LRMDA: variants seen among roughly 807,000 people sequenced by gnomAD.
The protein encoded by LRMDA is leucine-rich melanocyte differentiation-associated protein.
A neutral mutation model predicts 29.8 loss-of-function variants in LRMDA; 18 were observed. The observed-to-expected ratio is 0.60, with a 90% confidence interval of 0.42 to 0.90. The LOEUF (loss-of-function observed/expected upper bound fraction) is 0.90. Ranked by LOEUF, LRMDA falls within the 40% of genes least tolerant of loss-of-function variation. The pLI is 0.00. For synonymous variants in LRMDA, 125 were observed against 109.4 expected, an observed-to-expected ratio of 1.14 and a Z score of -0.89; for missense variants, 273 against 273.9, an observed-to-expected ratio of 1.00 and a Z score of 0.02.
In LRMDA at chr10:76,255,108, C is replaced by T. The variant is rs551325343; in HGVS notation, c.517-69293C>T. ...CACCTCTTTGGGCTTTCCCCCCAGA[C>T]CTTTTCTAGTTTTCTTAATTAGAAA... On this transcript the variant is annotated intron_variant, in intron 5 of 6. Coordinates refer to ENST00000611255, the MANE Select transcript of LRMDA (RefSeq NM_001305581.2). 7.7e-4 allele frequency among the ~76,000 whole-genome samples: 118 copies of T among 152,304 alleles called. 1 individual carries two copies. The highest frequency in any genetic ancestry group is 1.4e-3 in the Non-Finnish European group (95 of 68,024).
At chr10:75,648,044 C>G (rs1013339320) in intron 2 of LRMDA, among the ~76,000 whole-genome samples, 10 of 152,320 alleles carry the variant, frequency 6.6e-5, no homozygotes, top group South Asian at 2.1e-4. Context: ...CTTTGGGTGG[C>G]TCAGCTAGTA....
At chr10:76,009,606 A>G (rs1387060430) in intron 2 of LRMDA, among the ~76,000 whole-genome samples, 1 of 152,030 alleles carries the variant, frequency 6.6e-6, no homozygotes, top group Admixed American at 6.5e-5. Context: ...TTCCAAACCT[A>G]ATTCTCTCCC....
chr10:75,617,591 C>CA (rs1841120689), intron 2 of LRMDA, among the ~76,000 whole-genome samples: 1 of 152,160 alleles, frequency 6.6e-6, no homozygotes, highest in Admixed American at 6.5e-5. Context: ...ACTCACTGCT[C>CA]CCCTCTGTCT....
intron 2 of LRMDA, among the ~76,000 whole-genome samples, chr10:75,536,511 C>T (rs1839949970): frequency 6.6e-6 from 1 of 152,124 alleles, no homozygotes; most frequent in African/African-American, 2.4e-5. Context: ...GTTGAGGGCT[C>T]ATCACACCTG....
At chr10:76,216,848 C>A (rs1312788167) in intron 5 of LRMDA, among the ~76,000 whole-genome samples, 2 of 152,172 alleles carry the variant, frequency 1.3e-5, no homozygotes, top group African/African-American at 2.4e-5. Context: ...TTAGAATACT[C>A]TTTTTCGTAC....
At chr10:76,324,106 T>G (rs1053367011) in intron 5 of LRMDA, among the ~76,000 whole-genome samples, 3 of 152,182 alleles carry the variant, frequency 2.0e-5, no homozygotes, top group African/African-American at 7.2e-5. Flanking sequence ...AGCCTTTAAC[T>G]TTTCCTGTCT....
rs1843587004 is a variant in LRMDA, at chr10:76,558,547, G to A, written c.*1259G>A. 1 of 152,200 alleles carries A rather than the reference G, an allele frequency of 6.6e-6. No homozygotes were observed. The highest frequency in any genetic ancestry group is 1.5e-5 in the Non-Finnish European group (1 of 68,046). 9.4% of individuals were successfully genotyped at this position (152,200 alleles called of 1,614,324 possible). ...AAGATGTTCAAAAGGTTGATTGATT[G>A]TTCTTGACACGATAGTGTTTATTTT... On this transcript the variant is annotated 3_prime_UTR_variant, in exon 7 of 7. Coordinates refer to ENST00000611255, the MANE Select transcript of LRMDA (RefSeq NM_001305581.2).
chr10:75,598,217 G>A (rs1239196176), intron 2 of LRMDA, among the ~76,000 whole-genome samples: 1 of 152,142 alleles, frequency 6.6e-6, no homozygotes, highest in African/African-American at 2.4e-5. Flanking sequence ...TCACTTTTCT[G>A]GCCTGGCTGG....
At chr10:75,574,699 T>A (rs1840481107) in intron 2 of LRMDA, among the ~76,000 whole-genome samples, 1 of 152,176 alleles carries the variant, frequency 6.6e-6, no homozygotes, top group African/African-American at 2.4e-5. Context: ...TGTAATCTTA[T>A]CCACCGTGGG....
chr10:75,893,510 C>A (rs1004748633), intron 2 of LRMDA, among the ~76,000 whole-genome samples: 1 of 152,138 alleles, frequency 6.6e-6, no homozygotes, highest in Non-Finnish European at 1.5e-5. Flanking sequence ...AGTTTGAAAG[C>A]GGAAGTGGCA....
chr10:75,449,131 G>A (rs994048177), intron 2 of LRMDA, among the ~76,000 whole-genome samples: 39 of 139,688 alleles, frequency 2.8e-4, no homozygotes, highest in African/African-American at 7.5e-4. Flanking sequence ...CAGCCTGGGC[G>A]ACAGAGTGAG....
At chr10:75,773,676 G>A (rs1843272820) in intron 2 of LRMDA, among the ~76,000 whole-genome samples, 1 of 152,196 alleles carries the variant, frequency 6.6e-6, no homozygotes, top group Admixed American at 6.5e-5. Flanking sequence ...ATTTGTTCCA[G>A]CCTTTGGGTC....
At chr10:76,369,038 TG>T (rs777848366) in intron 6 of LRMDA, among the ~76,000 whole-genome samples, 14 of 152,230 alleles carry the variant, frequency 9.2e-5, no homozygotes, top group Non-Finnish European at 1.8e-4. Flanking sequence ...AGTTGGTTGC[TG>T]GGTTCTTATC....
At chr10:75,937,428 G>A (rs1846315498) in intron 2 of LRMDA, among the ~76,000 whole-genome samples, 1 of 152,150 alleles carries the variant, frequency 6.6e-6, no homozygotes, top group South Asian at 2.1e-4. Flanking sequence ...CCCTCACAGG[G>A]TTATCCCCAA....
At chr10:76,509,988 A>G (rs910795360) in intron 6 of LRMDA, among the ~76,000 whole-genome samples, 1 of 152,198 alleles carries the variant, frequency 6.6e-6, no homozygotes, top group Admixed American at 6.5e-5. Context: ...CTGTGAAAGT[A>G]ACTAAAGTAG....
At chr10:75,493,057 C>T (rs1222548030) in intron 2 of LRMDA, among the ~76,000 whole-genome samples, 3 of 152,016 alleles carry the variant, frequency 2.0e-5, no homozygotes, top group Non-Finnish European at 4.4e-5. Context: ...CTTTGCACTG[C>T]ATTGCAATTA....
intron 2 of LRMDA, among the ~76,000 whole-genome samples, chr10:75,712,908 C>G (rs1441431115): frequency 6.6e-6 from 1 of 152,074 alleles, no homozygotes; most frequent in African/African-American, 2.4e-5. Context: ...TGGTTCCTTC[C>G]CTTGCCATTA....
chr10:76,478,120 A>G (rs1842696252), intron 6 of LRMDA, among the ~76,000 whole-genome samples: 1 of 152,178 alleles, frequency 6.6e-6, no homozygotes, highest in Admixed American at 6.5e-5. Context: ...TAGGCAACCT[A>G]CAGATGGGAA....
intron 2 of LRMDA, among the ~76,000 whole-genome samples, chr10:75,858,219 C>A (rs1844860434): frequency 6.6e-6 from 1 of 152,162 alleles, no homozygotes; most frequent in African/African-American, 2.4e-5. Context: ...CACATGGGGA[C>A]CCTGTATCAC....
Sources: allele counts gnomAD v4.1 joint callset (sites outside exome capture counted in the v4.1 genomes callset), GRCh38; gene constraint gnomAD v4.1.1; transcripts MANE v1.5; gene names NCBI Gene and HGNC (gene_info 2026-07-23, HGNC 2026-07-21).